TRNT1: variants seen among roughly 807,000 people sequenced by gnomAD.
The protein encoded by TRNT1 is tRNA nucleotidyl transferase 1.
TRNT1 carries 44 observed loss-of-function variants against 45.6 expected under a neutral mutation model. That is an observed-to-expected ratio of 0.97 (90% CI 0.76 to 1.24). TRNT1 has a LOEUF of 1.24. Ranked by LOEUF, TRNT1 falls within the 50% of genes most tolerant of loss-of-function variation. The probability of loss-of-function intolerance (pLI) is 0.00; values close to 1 mark genes in which losing one functional copy is unlikely to be tolerated. For synonymous variants in TRNT1, 201 were observed against 171.4 expected (o/e 1.17, Z -1.35); for missense variants, 633 against 504.4 (o/e 1.25, Z -2.44).
chr3:3,145,527 G>C (rs1171703583), intron 5 of TRNT1: 2 of 145,776 alleles, frequency 1.4e-5, no homozygotes, highest in African/African-American at 5.0e-5. Flanking sequence ...AAAAAAAGAA[G>C]ATCTTGGATA....
At chr3:3,130,874 G>C (rs1306301013) in intron 2 of TRNT1, among the ~76,000 whole-genome samples, 1 of 151,990 alleles carries the variant, frequency 6.6e-6, no homozygotes, top group Non-Finnish European at 1.5e-5. Flanking sequence ...TTGAGCCCAG[G>C]AGTTTGAGAC....
chr3:3,150,243 G>C (rs540172055), downstream of TRNT1: 1 of 152,386 alleles, frequency 6.6e-6, no homozygotes, highest in Non-Finnish European at 1.5e-5. Context: ...TTTACTAACA[G>C]GCACATAAAG....
rs1342768108 is a variant in TRNT1 at position 3,129,200 on chromosome 3, G to A, written c.148+12G>A. The A allele has an allele frequency of 6.2e-7, 1 of 1,613,138 alleles. No individual in the cohort carries two copies. The highest frequency in any genetic ancestry group is 1.3e-5 in the African/African-American group (1 of 75,034). On this transcript the variant is annotated intron_variant, in intron 2 of 7. Transcript: ENST00000251607. ...GAAGAGTCTGACAGGTGAGAGATTA[G>A]GATACCTTTTCTTGATTGGAAACCT...
At chr3:3,140,423 T>A in intron 3 of TRNT1, 87 bp from the exon 4 acceptor site, 1 of 1,401,140 alleles carries the variant, frequency 7.1e-7, no homozygotes, top group Non-Finnish European at 9.8e-7. Flanking sequence ...ACCATCCCTT[T>A]ATAAAGACAA....
downstream of TRNT1, among the ~76,000 whole-genome samples, chr3:3,151,827 G>GCAAAAAAACAAA (rs1553558824): frequency 1.4e-5 from 2 of 147,590 alleles, no homozygotes; most frequent in Non-Finnish European, 3.0e-5. Context: ...TTAAGCTGAA[G>GCAAAAAAACAAA]CAAACAAACA....
Position 3,147,992 on chromosome 3 carries a change from G to A in TRNT1, c.1143G>A (p.Trp381Ter), listed in dbSNP as rs778456095. The A allele has an allele frequency of 6.2e-7, 1 of 1,614,006 alleles. No individual in the cohort carries two copies. The highest frequency in any genetic ancestry group is 1.3e-5 in the African/African-American group (1 of 75,024). The change falls in exon 8 of 8, where the codon TGG becomes TGA. Residue 381 changes from tryptophan (W) to a stop codon, truncating the protein, a stop_gained. Coordinates refer to ENST00000251607, the MANE Select transcript of TRNT1 (RefSeq NM_182916.3). LOFTEE classifies it high-confidence loss of function. ...EHCLLKEMQQWSIPPFPVSGH... is the reference protein window; with the variant it reads ...EHCLLKEMQQ ...GTCTCCTAAAGGAAATGCAGCAGTG[G>A]TCCATTCCTCCATTTCCTGTAAGTG...
chr3:3,143,087 T>C (rs1327650797), intron 4 of TRNT1, among the ~76,000 whole-genome samples: 6 of 152,212 alleles, frequency 3.9e-5, no homozygotes, highest in African/African-American at 1.4e-4. Flanking sequence ...TGTCAGTGCC[T>C]CTTTTCTGTA....
chr3:3,140,925 A>G (rs569410456), intron 4 of TRNT1, among the ~76,000 whole-genome samples: 10 of 152,300 alleles, frequency 6.6e-5, no homozygotes, highest in African/African-American at 2.2e-4. Context: ...TACTAAAAAT[A>G]TAAAAAATTA....
At chr3:3,152,447 T>G, downstream of TRNT1, 1 of 1,612,150 alleles carries the variant, frequency 6.2e-7, no homozygotes, top group African/African-American at 1.3e-5. Context: ...ACCACCACCA[T>G]AATATTACCC....
intron 4 of TRNT1, among the ~76,000 whole-genome samples, chr3:3,141,485 C>G (rs1705651979): frequency 6.6e-6 from 1 of 152,238 alleles, no homozygotes; most frequent in Admixed American, 6.5e-5. Flanking sequence ...ACCTCAGATT[C>G]TTTTTTAGCA....
intron 2 of TRNT1, among the ~76,000 whole-genome samples, chr3:3,133,665 G>A (rs568479768): frequency 6.6e-6 from 1 of 152,266 alleles, no homozygotes; most frequent in East Asian, 1.9e-4. Context: ...GCAAGGACTT[G>A]TTTAGTCCTT....
chr3:3,144,744 T>C (rs770784761), intron 5 of TRNT1, 34 bp downstream of exon 5: 1 of 1,481,826 alleles, frequency 6.7e-7, no homozygotes, highest in South Asian at 1.3e-5. Flanking sequence ...ATGATAGTTT[T>C]AATATCATGA....
At chr3:3,144,015 T>TACATATATTTTTCCA (rs1286504856) in intron 4 of TRNT1, among the ~76,000 whole-genome samples, 2 of 152,254 alleles carry the variant, frequency 1.3e-5, no homozygotes, top group Non-Finnish European at 2.9e-5. Flanking sequence ...AATATGGACT[T>TACATATATTTTTCCA]ACATATATTT....
intron 4 of TRNT1, among the ~76,000 whole-genome samples, chr3:3,143,642 C>G (rs1254271847): frequency 2.6e-5 from 4 of 152,188 alleles, no homozygotes; most frequent in African/African-American, 9.6e-5. Flanking sequence ...CTTTGGGAGG[C>G]TGAGGCATGC....
chr3:3,150,831 A>ATTTG (rs1344122862), downstream of TRNT1: 3 of 1,545,358 alleles, frequency 1.9e-6, no homozygotes, highest in African/African-American at 1.4e-5. Context: ...AATATAACCA[A>ATTTG]TTTGTTAGAT....
intron 5 of TRNT1, 40 bp from the exon 6 acceptor site, chr3:3,146,390 C>T: frequency 1.3e-6 from 2 of 1,500,940 alleles, no homozygotes; most frequent in Non-Finnish European, 1.8e-6. Context: ...TGTGATATGC[C>T]AATATAGAGG....
In TRNT1 at chr3:3,140,390, C is replaced by G. The variant is rs1705571808; in HGVS notation, c.343-120C>G. 3 of 896,042 alleles carry G rather than the reference C, an allele frequency of 3.3e-6. No individual in the cohort carries two copies. The South Asian group carries it at 5.9e-5, about 18-fold the overall frequency. The allele number at this position is 896,042 out of a possible 1,614,324, so 55.5% of individuals were successfully genotyped here. On this transcript the variant is annotated intron_variant, in intron 3 of 7. Coordinates refer to ENST00000251607, the MANE Select transcript of TRNT1 (RefSeq NM_182916.3). ...GGTATGGTAGTTGACGTTAAAAAGA[C>G]TATAACTGTCAGGGCTTATAGTACC...
intron 2 of TRNT1, chr3:3,129,960 G>A: frequency 6.4e-7 from 1 of 1,550,538 alleles, no homozygotes; most frequent in Non-Finnish European, 8.7e-7. Flanking sequence ...GAAGGAAATA[G>A]GAGTTGCCTC....
chr3:3,143,843 G>T (rs1271980428), intron 4 of TRNT1, among the ~76,000 whole-genome samples: 1 of 152,198 alleles, frequency 6.6e-6, no homozygotes. Context: ...GGGTGACAAA[G>T]TGAGAATCCG....
Sources: gnomAD v4.1 joint callset for allele counts (sites outside exome capture counted in the v4.1 genomes callset) on GRCh38, gnomAD v4.1.1 for gene constraint, MANE v1.5 for transcripts, NCBI Gene and HGNC (gene_info 2026-07-23, HGNC 2026-07-21) for gene names.